ZNF559: variants seen among roughly 807,000 people sequenced by gnomAD.
ZNF559 encodes putative protein product of Nbla00121.
ZNF559 carries 17 observed loss-of-function variants against 14.2 expected under a neutral mutation model. The ratio of observed to expected loss-of-function variants is 1.20; its 90% CI spans 0.82 to 1.80. The LOEUF (loss-of-function observed/expected upper bound fraction) is 1.80. Ranked by LOEUF, ZNF559 falls within the 40% of genes most tolerant of loss-of-function variation. ZNF559 has a pLI of 0.00. For missense variants in ZNF559, 740 were observed against 629.7 expected, an observed-to-expected ratio of 1.18 and a Z score of -1.88; for synonymous variants, 244 against 212.4, an observed-to-expected ratio of 1.15 and a Z score of -1.29.
At chr19:9,327,760 C>G (rs201383137) in intron 2 of ZNF559, among the ~76,000 whole-genome samples, 2 of 146,158 alleles carry the variant, frequency 1.4e-5, no homozygotes, top group South Asian at 4.4e-4. Context: ...ATTTTTTTTT[C>G]TTTTCATTCA....
chr19:9,326,164 C>T (rs1435827546), intron 2 of ZNF559, among the ~76,000 whole-genome samples: 1 of 122,000 alleles, frequency 8.2e-6, no homozygotes, highest in East Asian at 2.6e-4. Context: ...GGCTGGAGTG[C>T]AGTGGTGTGA....
At chr19:9,324,629 CA>C (rs57134914) in intron 1 of ZNF559, 65 bp from the exon 2 acceptor site, 269,221 of 845,138 alleles carry the variant, frequency 0.32, 28,906 homozygotes, top group Non-Finnish European at 0.33. Flanking sequence ...CCCCCCCCCC[CA>C]ACCATCTCTA....
intron 3 of ZNF559, 166 bp downstream of exon 3, chr19:9,338,024 C>T: frequency 6.5e-7 from 1 of 1,535,382 alleles, no homozygotes; most frequent in Non-Finnish European, 8.7e-7. Context: ...TGTGGTAAGT[C>T]CGTATTGATG....
chr19:9,327,523 A>G (rs2066683328), intron 2 of ZNF559, among the ~76,000 whole-genome samples: 1 of 152,190 alleles, frequency 6.6e-6, no homozygotes, highest in Admixed American at 6.5e-5. Flanking sequence ...TGCTGGAATT[A>G]CAGGCATGAG....
chr19:9,341,189 G>GA lies in ZNF559; in HGVS notation c.243+6dup. 1 of 1,612,986 alleles carries GA rather than the reference G, an allele frequency of 6.2e-7. No homozygotes were observed. The highest frequency in any genetic ancestry group is 8.5e-7 in the Non-Finnish European group (1 of 1,179,026). Reference sequence around the variant, plus strand: ...ACATCCAGTGTGGTGGAAATGGTAAGATTCAGAAGGTATAATTTATTGTCT... The same window carrying GA: ...ACATCCAGTGTGGTGGAAATGGTAAGAATTCAGAAGGTATAATTTATTGTCT... On this transcript the variant is annotated splice_donor_region_variant and intron_variant, in intron 6 of 6. Coordinates refer to ENST00000603380, the MANE Select transcript of ZNF559 (RefSeq NM_032497.3).
Position 9,339,299 on chromosome 19 carries a change from A to AT in ZNF559, c.141dup (p.Lys48Ter), listed in dbSNP as rs1258803515. ...TACAGAGATGTGATGCTGGAGAACT[A>AT]TAAGAATCTAGTTGCAGTAGGTAAG... On this transcript the variant is annotated frameshift_variant, in exon 5 of 7. Coordinates refer to ENST00000603380, the MANE Select transcript of ZNF559 (RefSeq NM_032497.3). LOFTEE classifies it high-confidence loss of function. 1.9e-6 allele frequency: 3 copies of AT among 1,613,436 alleles called. No individual in the cohort carries two copies. The highest frequency in any genetic ancestry group is 2.2e-5 in the East Asian group (1 of 44,844).
intron 1 of ZNF559, 118 bp from the exon 2 acceptor site, chr19:9,324,577 T>G: frequency 8.5e-7 from 1 of 1,171,582 alleles, no homozygotes; most frequent in Non-Finnish European, 1.2e-6. Flanking sequence ...GAGGATTACT[T>G]GAGGCCAGGA....
intron 5 of ZNF559, among the ~76,000 whole-genome samples, chr19:9,340,891 A>G (rs1221093826): frequency 6.6e-6 from 1 of 151,984 alleles, no homozygotes; most frequent in Non-Finnish European, 1.5e-5. Context: ...TTTCTTAGTG[A>G]ATCACCTACC....
chr19:9,338,663 C>T (rs2067372589), intron 4 of ZNF559, 81 bp downstream of exon 4: 5 of 1,039,816 alleles, frequency 4.8e-6, no homozygotes, highest in South Asian at 1.3e-5. Flanking sequence ...TGGAACAGGG[C>T]CCCTGCAAGC....
upstream of ZNF559, chr19:9,324,171 G>C (rs574571270): frequency 3.6e-5 from 55 of 1,536,068 alleles, no homozygotes; most frequent in African/African-American, 4.2e-4. Flanking sequence ...GCGTGTCTGC[G>C]TGGGCGCATG....
At chr19:9,339,585 T>C (rs1226352215) in intron 5 of ZNF559, among the ~76,000 whole-genome samples, 2 of 152,180 alleles carry the variant, frequency 1.3e-5, no homozygotes, top group African/African-American at 4.8e-5. Flanking sequence ...TGGGAAGGAT[T>C]GCTAGTCCTT....
At chr19:9,338,369 C>G (rs2067356110) in intron 3 of ZNF559, 125 bp from the exon 4 acceptor site, 1 of 682,824 alleles carries the variant, frequency 1.5e-6, no homozygotes, top group Admixed American at 2.8e-5. Context: ...GTGAGACAGG[C>G]TGCTCAGGCA....
Position 9,341,199 on chromosome 19 carries a change from G to C in ZNF559, c.243+15G>C, listed in dbSNP as rs888105371. The C allele has an allele frequency of 1.2e-6, 2 of 1,610,934 alleles. No homozygotes were observed. The highest frequency in any genetic ancestry group is 2.7e-5 in the African/African-American group (2 of 74,830). Reference sequence around the variant, plus strand: ...TGGTGGAAATGGTAAGATTCAGAAGGTATAATTTATTGTCTTCCATGTTAG... The same window carrying C: ...TGGTGGAAATGGTAAGATTCAGAAGCTATAATTTATTGTCTTCCATGTTAG... On this transcript the variant is annotated intron_variant, in intron 6 of 6. Transcript: ENST00000603380.
At chr19:9,337,883 A>G (rs892734860) in intron 3 of ZNF559, 25 bp downstream of exon 3, 2 of 1,529,338 alleles carry the variant, frequency 1.3e-6, no homozygotes, top group Admixed American at 2.0e-5. Context: ...TCCCACTACT[A>G]CTTAATCAAG....
intron 2 of ZNF559, among the ~76,000 whole-genome samples, chr19:9,327,619 T>G (rs1053417830): frequency 1.6e-4 from 25 of 151,818 alleles, no homozygotes; most frequent in Non-Finnish European, 4.4e-5. Flanking sequence ...AGGTTAACAG[T>G]TTTTTTTCCT....
rs16979666 is a variant in ZNF559 at position 9,342,192 on chromosome 19, G to A, written c.741G>A (p.Gly247=). The A allele has an allele frequency of 0.016, 25,628 of 1,606,122 alleles. 629 individuals are homozygous for A. The highest frequency in any genetic ancestry group is 0.12 in the African/African-American group (8,605 of 74,400). Residue 247 remains glycine (G), a synonymous_variant, in exon 7 of 7, where the codon GGG becomes GGA. Transcript: ENST00000603380. ...AATTCTATGAATGTAAAGCATGTGG[G>A]AAACCCTTCACTGAGTCGTCATATC... ...GEKFYECKAC[G]KPFTESSYLT...
rs1488014479 is a variant in ZNF559 at position 9,338,486 on chromosome 19, T to C, written c.-56-8T>C. The C allele has an allele frequency of 3.1e-6, 5 of 1,608,820 alleles. No homozygotes were observed. The African/African-American group carries it at 6.7e-5, about 22-fold the overall frequency. ...CTGGATTCTCAGATTTTATTTCTTC[T>C]TCTTAAGATCATCTTTCTCAAGATG... is the stretch of plus-strand genomic sequence containing the variant. On this transcript the variant is annotated splice_region_variant and splice_polypyrimidine_tract_variant and intron_variant, in intron 3 of 6. Coordinates refer to ENST00000603380, the MANE Select transcript of ZNF559 (RefSeq NM_032497.3).
intron 1 of ZNF559, 55 bp from the exon 2 acceptor site, chr19:9,324,640 A>T: frequency 1.9e-6 from 2 of 1,080,846 alleles, no homozygotes; most frequent in Non-Finnish European, 2.5e-6. Context: ...AACCATCTCT[A>T]ATGGAAAAAA....
At position 9,342,514 on chromosome 19, in the gene ZNF559, T is replaced by G. The variant is rs1485707568; in HGVS notation, c.1063T>G (p.Cys355Gly). The G allele has an allele frequency of 6.2e-7, 1 of 1,614,152 alleles. No individual in the cohort carries two copies. Among genetic ancestry groups the G allele is most frequent in the East Asian group, 2.2e-5 (1 of 44,874 alleles). Residue 355 changes from cysteine to glycine, a missense_variant, in exon 7 of 7, where the codon TGT becomes GGT. Physicochemically the swap from Cys to Gly is radical, Grantham distance 159. Coordinates refer to ENST00000603380, the MANE Select transcript of ZNF559 (RefSeq NM_032497.3). ...RTHTGEKPYE[C>G]KECGKAFANS... is the part of the protein sequence containing the mutation. Reference sequence around the variant, plus strand: ...TCACACTGGAGAAAAGCCTTATGAATGTAAGGAATGTGGGAAAGCTTTTGC... The same window carrying G: ...TCACACTGGAGAAAAGCCTTATGAAGGTAAGGAATGTGGGAAAGCTTTTGC...
Sources: gnomAD v4.1 joint callset for allele counts (sites outside exome capture counted in the v4.1 genomes callset) on GRCh38, gnomAD v4.1.1 for gene constraint, MANE v1.5 for transcripts, NCBI Gene and HGNC (gene_info 2026-07-23, HGNC 2026-07-21) for gene names.